Variants in HEATR5B observed in about 807,000 individuals in gnomAD.
The protein encoded by HEATR5B is HEAT repeat containing 5B, also known as HEAT repeat-containing protein 5B.
In HEATR5B, 156 loss-of-function variants were observed where a neutral mutation model predicts 224.1. That is an observed-to-expected ratio of 0.70 (90% CI 0.61 to 0.80). The LOEUF (loss-of-function observed/expected upper bound fraction) is 0.80. HEATR5B is among the 30% of genes least tolerant of loss of function. The pLI, the probability that HEATR5B is intolerant of heterozygous loss-of-function variation, is 0.00. For synonymous variants in HEATR5B, 1,027 were observed against 893.0 expected, an observed-to-expected ratio of 1.15 and a Z score of -2.68; for missense variants, 2,323 against 2,535.5, an observed-to-expected ratio of 0.92 and a Z score of 1.80.
intron 18 of HEATR5B, among the ~76,000 whole-genome samples, chr2:37,041,758 TTAATAA>T (rs3084396): frequency 7.4e-5 from 11 of 149,394 alleles, no homozygotes; most frequent in African/African-American, 2.2e-4. Flanking sequence ...AATAATAATA[TTAATAA>T]TAATAATAAT....
rs143151939 is a variant in HEATR5B at position 37,033,175 on chromosome 2, C to T, written c.3217-402G>A. 4.5e-3 allele frequency among the ~76,000 whole-genome samples: 685 copies of T among 152,064 alleles called. 5 individuals are homozygous for T. The highest frequency in any genetic ancestry group is 0.016 in the African/African-American group (655 of 41,484). ...ATTACAGGCATGAGCCACCGTGCCCCGCCCTAATGAATATATATTAACATC... is the reference window on the plus strand; with the variant it reads ...ATTACAGGCATGAGCCACCGTGCCCTGCCCTAATGAATATATATTAACATC... On this transcript the variant is annotated intron_variant, in intron 21 of 35. Coordinates refer to ENST00000233099, the MANE Select transcript of HEATR5B (RefSeq NM_019024.3).
Position 37,027,922 on chromosome 2 carries a change from C to T in HEATR5B, c.3853+1G>A. On this transcript the variant is annotated splice_donor_variant, in intron 24 of 35. Coordinates refer to ENST00000233099, the MANE Select transcript of HEATR5B (RefSeq NM_019024.3). LOFTEE classifies it high-confidence loss of function. ...GGAAAAAGTACTGATTTTAAATTTA[C>T]TTGTAGGGTTTCGAAGTTTAGCAGA... 1 of 1,612,508 alleles carries T rather than the reference C, an allele frequency of 6.2e-7. No individual in the cohort carries two copies. The highest frequency in any genetic ancestry group is 8.5e-7 in the Non-Finnish European group (1 of 1,178,844).
At chr2:37,002,946 T>A (rs1300215508) in intron 31 of HEATR5B, among the ~76,000 whole-genome samples, 5 of 152,150 alleles carry the variant, frequency 3.3e-5, no homozygotes, top group Admixed American at 2.6e-4. Context: ...TCTAAATGTA[T>A]GATTAATTCT....
At chr2:37,023,771 T>C (rs576318415) in intron 24 of HEATR5B, among the ~76,000 whole-genome samples, 20 of 152,160 alleles carry the variant, frequency 1.3e-4, no homozygotes, top group African/African-American at 4.1e-4. Context: ...AGCAAGACTC[T>C]GTCTCAGAAA....
chr2:37,071,156 AT>A (rs1671881730), intron 6 of HEATR5B, among the ~76,000 whole-genome samples: 1 of 152,126 alleles, frequency 6.6e-6, no homozygotes, highest in South Asian at 2.1e-4. Context: ...CATCATCATC[AT>A]CATCATCTAC....
intron 35 of HEATR5B, among the ~76,000 whole-genome samples, chr2:36,985,687 G>A (rs1262290429): frequency 1.5e-5 from 2 of 136,902 alleles, no homozygotes; most frequent in African/African-American, 5.7e-5. Flanking sequence ...GGCTGGTCCT[G>A]AACTCCTGAA....
intron 26 of HEATR5B, among the ~76,000 whole-genome samples, chr2:37,015,820 C>T (rs369355866): frequency 5.8e-4 from 88 of 152,258 alleles, no homozygotes; most frequent in African/African-American, 2.0e-3. Flanking sequence ...AGGGTAATTA[C>T]ATAACCCTAG....
intron 30 of HEATR5B, among the ~76,000 whole-genome samples, chr2:37,004,684 T>A (rs1241926894): frequency 6.6e-6 from 1 of 152,158 alleles, no homozygotes; most frequent in Non-Finnish European, 1.5e-5. Flanking sequence ...AGACTCTGTC[T>A]ACCCTTCTTG....
rs897811529 is a variant in HEATR5B at position 37,037,971 on chromosome 2, T to C, written c.3100A>G (p.Ile1034Val). Residue 1034 changes from isoleucine (I) to valine (V), a missense_variant, in exon 21 of 36, where the codon ATA (isoleucine) becomes GTA (valine). Transcript: ENST00000233099. ...IRSSCLVGCAITQDHSDSLVQ... is the reference protein window; with the variant it reads ...IRSSCLVGCAVTQDHSDSLVQ... Reference sequence around the variant, plus strand: ...AGAGAATCTGAATGGTCTTGTGTTATTGCACAACCCACCAAACAAGAGGAA... The same window carrying C: ...AGAGAATCTGAATGGTCTTGTGTTACTGCACAACCCACCAAACAAGAGGAA... The C allele has an allele frequency of 5.0e-6, 8 of 1,596,270 alleles. No homozygotes were observed. Among genetic ancestry groups the C allele is most frequent in the Non-Finnish European group, 5.1e-6 (6 of 1,169,214 alleles).
intron 27 of HEATR5B, among the ~76,000 whole-genome samples, chr2:37,010,281 T>C (rs898137256): frequency 8.5e-5 from 13 of 152,132 alleles, no homozygotes; most frequent in African/African-American, 2.9e-4. Flanking sequence ...GTTACATCCA[T>C]TGTACCTAAC....
At chr2:37,016,935 T>A (rs1173783076) in intron 26 of HEATR5B, among the ~76,000 whole-genome samples, 2 of 151,608 alleles carry the variant, frequency 1.3e-5, no homozygotes, top group Non-Finnish European at 2.9e-5. Flanking sequence ...AAATTTAAAG[T>A]GAAAAGAAAT....
intron 11 of HEATR5B, 108 bp downstream of exon 11, chr2:37,061,831 C>A: frequency 1.6e-6 from 1 of 641,626 alleles, no homozygotes. Flanking sequence ...ATTTTTACAA[C>A]TTCAATGAAA....
chr2:37,020,901 TATGAA>T (rs1177322678), intron 24 of HEATR5B, 65 bp from the exon 25 acceptor site: 4 of 893,560 alleles, frequency 4.5e-6, no homozygotes, highest in Non-Finnish European at 4.9e-6. Flanking sequence ...AACATAAAAA[TATGAA>T]ATGAAATAAA....
intron 27 of HEATR5B, among the ~76,000 whole-genome samples, chr2:37,009,474 G>C (rs1298062560): frequency 6.6e-6 from 1 of 151,864 alleles, no homozygotes; most frequent in Non-Finnish European, 1.5e-5. Context: ...CTACTTGGGA[G>C]GCTAAGGCAG....
chr2:36,984,292 C>T (rs1665805860), intron 35 of HEATR5B, among the ~76,000 whole-genome samples: 1 of 144,126 alleles, frequency 6.9e-6, no homozygotes, highest in African/African-American at 2.6e-5. Flanking sequence ...TAGAAATATG[C>T]TAAGCATTAT....
At chr2:37,018,326 A>G (rs150308514) in intron 26 of HEATR5B, among the ~76,000 whole-genome samples, 1 of 152,236 alleles carries the variant, frequency 6.6e-6, no homozygotes, top group East Asian at 1.9e-4. Context: ...TTGTCTGCTT[A>G]AATGCTGTGC....
intron 10 of HEATR5B, among the ~76,000 whole-genome samples, chr2:37,062,669 A>T (rs958036809): frequency 6.6e-6 from 1 of 152,224 alleles, no homozygotes; most frequent in African/African-American, 2.4e-5. Context: ...CAGCCTTGCA[A>T]GGATAAAATA....
At chr2:37,070,454 G>A (rs1400220369) in intron 6 of HEATR5B, 67 bp from the exon 7 acceptor site, 3 of 1,253,670 alleles carry the variant, frequency 2.4e-6, no homozygotes, top group Non-Finnish European at 3.4e-6. Context: ...AATAATTCAA[G>A]TAATTATTTT....
At chr2:37,040,111 A>C (rs1572867875) in intron 20 of HEATR5B, among the ~76,000 whole-genome samples, 1 of 152,320 alleles carries the variant, frequency 6.6e-6, no homozygotes, top group East Asian at 1.9e-4. Context: ...TCTCTGCTCA[A>C]AACTTCAACA....
Sources: gnomAD v4.1 joint callset for allele counts (sites outside exome capture counted in the v4.1 genomes callset) on GRCh38, gnomAD v4.1.1 for gene constraint, MANE v1.5 for transcripts, NCBI Gene and HGNC (gene_info 2026-07-23, HGNC 2026-07-21) for gene names.